The following ZDHHC14 variants were observed in gnomAD, a reference collection of about 807,000 sequenced individuals.
ZDHHC14 encodes the protein zDHHC palmitoyltransferase 14, also known as palmitoyltransferase ZDHHC14.
ZDHHC14 carries 16 observed loss-of-function variants against 47.7 expected under a neutral mutation model. The observed-to-expected ratio is 0.34, with a 90% confidence interval of 0.23 to 0.51. ZDHHC14 has a LOEUF of 0.51. ZDHHC14 is among the 20% of genes least tolerant of loss of function. The pLI is 0.97. For synonymous variants in ZDHHC14, 293 were observed against 278.9 expected (o/e 1.05, Z -0.50); for missense variants, 515 against 662.5 (o/e 0.78, Z 2.44).
rs1247835658 is a variant in ZDHHC14 at position 157,537,102 on chromosome 6, G to A, written c.246-5483G>A. ...CAAAGTGCTGGGATTACAGGCGTGAGCCACCGCGCCCGGCTCCATCTATCT... is the reference window on the plus strand; with the variant it reads ...CAAAGTGCTGGGATTACAGGCGTGAACCACCGCGCCCGGCTCCATCTATCT... On this transcript the variant is annotated intron_variant, in intron 1 of 8. Transcript: ENST00000359775. Among the ~76,000 whole-genome samples the A allele has an allele frequency of 5.4e-5, 3 of 55,674 alleles. 1 individual carries two copies. The highest frequency in any genetic ancestry group is 1.1e-4 in the African/African-American group (2 of 17,714). 36.5% of individuals were successfully genotyped at this position (55,674 alleles called of 152,430 possible). A position where few individuals can be genotyped will look rare whatever the true frequency, so the allele number is the denominator to read the frequency against.
chr6:157,546,805 G>T (rs1378634430), intron 2 of ZDHHC14, among the ~76,000 whole-genome samples: 1 of 152,164 alleles, frequency 6.6e-6, no homozygotes, highest in East Asian at 1.9e-4. Context: ...ACCTTTCCAG[G>T]GATCAAAATA....
At chr6:157,626,468 C>T (rs551037148) in intron 3 of ZDHHC14, among the ~76,000 whole-genome samples, 3 of 152,128 alleles carry the variant, frequency 2.0e-5, no homozygotes, top group Non-Finnish European at 4.4e-5. Context: ...AGATCAGTAA[C>T]TCGGGGAAAT....
intron 1 of ZDHHC14, among the ~76,000 whole-genome samples, chr6:157,402,318 A>T (rs1777660223): frequency 6.7e-6 from 1 of 150,204 alleles, no homozygotes; most frequent in Non-Finnish European, 1.5e-5. Context: ...GCACCTGCTG[A>T]GGTCGCAGTT....
At chr6:157,490,198 G>A (rs1362620099) in intron 1 of ZDHHC14, among the ~76,000 whole-genome samples, 5 of 152,188 alleles carry the variant, frequency 3.3e-5, no homozygotes, top group East Asian at 3.8e-4. Context: ...AAGAGAATGC[G>A]TGAAAAATTA....
chr6:157,485,041 G>A (rs1779744563), intron 1 of ZDHHC14, among the ~76,000 whole-genome samples: 1 of 152,176 alleles, frequency 6.6e-6, no homozygotes, highest in South Asian at 2.1e-4. Context: ...AGGTTGACAT[G>A]AGACGAGATC....
intron 2 of ZDHHC14, among the ~76,000 whole-genome samples, chr6:157,574,052 T>C (rs1330048177): frequency 1.3e-5 from 2 of 151,946 alleles, no homozygotes; most frequent in African/African-American, 2.4e-5. Context: ...GAATTTGGGT[T>C]TTCCCAAATG....
At chr6:157,398,370 A>G (rs12202902) in intron 1 of ZDHHC14, among the ~76,000 whole-genome samples, 1,773 of 152,336 alleles carry the variant, frequency 0.012, 15 homozygotes, top group Non-Finnish European at 0.016. Flanking sequence ...GCAGCCTGCC[A>G]GCAGGGGGAA....
Position 157,653,608 on chromosome 6 carries a change from C to T in ZDHHC14, c.1049C>T (p.Thr350Met), listed in dbSNP as rs760788416. ...PSNGITMYGA[T>M]QSQSDMCDQD... Reference sequence around the variant, plus strand: ...AATGGCATCACCATGTACGGGGCCACGCAGTCACAGAGTGACATGGTAGGA... The same window carrying T: ...AATGGCATCACCATGTACGGGGCCATGCAGTCACAGAGTGACATGGTAGGA... Residue 350 changes from threonine (T) to methionine (M), a missense_variant, in exon 8 of 9, where the codon ACG becomes ATG. Coordinates refer to ENST00000359775, the MANE Select transcript of ZDHHC14 (RefSeq NM_024630.3). 23 of 1,613,538 alleles carry T rather than the reference C, an allele frequency of 1.4e-5. No individual in the cohort carries two copies. The highest frequency in any genetic ancestry group is 4.4e-5 in the South Asian group (4 of 91,082).
chr6:157,662,159 A>G (rs1376750179), intron 8 of ZDHHC14, among the ~76,000 whole-genome samples: 2 of 70,154 alleles, frequency 2.9e-5, no homozygotes, highest in Non-Finnish European at 5.7e-5. Context: ...TGAGACATAC[A>G]TTTTCTAACT....
Position 157,673,322 on chromosome 6 carries a change from C to A in ZDHHC14, c.*200C>A, listed in dbSNP as rs1439844478. 9 of 643,652 alleles carry A rather than the reference C, an allele frequency of 1.4e-5. No homozygotes were observed. Among genetic ancestry groups the A allele is most frequent in the East Asian group, 3.3e-5 (1 of 30,340 alleles). 39.9% of individuals were successfully genotyped at this position (643,652 alleles called of 1,614,324 possible). ...GAGAGCTTGGTTTCATTTGAATTTT[C>A]TTCCCCAACCTGAGTGCTTTGACAA... On this transcript the variant is annotated 3_prime_UTR_variant, in exon 9 of 9. Transcript: ENST00000359775. The surrounding 1 kb of genome is among the most constrained non-coding windows in gnomAD (Gnocchi z 5.4).
chr6:157,620,656 C>A (rs1785152158), intron 3 of ZDHHC14, among the ~76,000 whole-genome samples: 1 of 152,224 alleles, frequency 6.6e-6, no homozygotes, highest in Non-Finnish European at 1.5e-5. Context: ...ACCCTGGACA[C>A]AAAGGCCAGG....
chr6:157,604,286 TAAAAAAA>T (rs201921035), intron 3 of ZDHHC14, among the ~76,000 whole-genome samples: 11 of 140,506 alleles, frequency 7.8e-5, no homozygotes, highest in African/African-American at 1.3e-4. Context: ...AAGCCTGTCT[TAAAAAAA>T]AAAAAAAAAA....
intron 2 of ZDHHC14, among the ~76,000 whole-genome samples, chr6:157,554,622 G>A (rs937688415): frequency 6.6e-6 from 1 of 152,190 alleles, no homozygotes; most frequent in Non-Finnish European, 1.5e-5. Flanking sequence ...CACAGATTTA[G>A]AGGACAAGGA....
At chr6:157,473,782 A>G (rs763918318) in intron 1 of ZDHHC14, among the ~76,000 whole-genome samples, 46 of 152,168 alleles carry the variant, frequency 3.0e-4, no homozygotes, top group Non-Finnish European at 6.0e-4. Context: ...ATTGTTTAAA[A>G]TATTGTGTAA....
intron 1 of ZDHHC14, among the ~76,000 whole-genome samples, chr6:157,405,040 A>G (rs1777713638): frequency 6.6e-6 from 1 of 152,168 alleles, no homozygotes; most frequent in Non-Finnish European, 1.5e-5. Flanking sequence ...GTGGATTTCA[A>G]CCTCAGTGGG....
chr6:157,386,352 A>G (rs1395522535), intron 1 of ZDHHC14, among the ~76,000 whole-genome samples: 1 of 152,192 alleles, frequency 6.6e-6, no homozygotes, highest in Non-Finnish European at 1.5e-5. Context: ...AAGTTTTTAA[A>G]TAAAAATTTA....
chr6:157,502,984 C>G lies in ZDHHC14; in HGVS notation c.246-39601C>G, dbSNP rs199688385. Reference sequence around the variant, plus strand: ...GGAATTACAGGCATGAGCCACCGCACCCGGCTGTGTTTGTTTTTAAACTAC... The same window carrying G: ...GGAATTACAGGCATGAGCCACCGCAGCCGGCTGTGTTTGTTTTTAAACTAC... On this transcript the variant is annotated intron_variant, in intron 1 of 8. Transcript: ENST00000359775. This position sits in a 1 kb window ranked among gnomAD's most constrained non-coding sequence, Gnocchi z 4.0. Among the ~76,000 whole-genome samples, 20 of 152,352 alleles carry G rather than the reference C, an allele frequency of 1.3e-4. No homozygotes were observed. The East Asian group carries it at 3.9e-3, about 29-fold the overall frequency.
rs1038443977 is a variant in ZDHHC14 at position 157,427,823 on chromosome 6, A to G, written c.245+45557A>G. Reference sequence around the variant, plus strand: ...TTTTCATCAAGATCCTTTCCATGACATTGTGGCCCCCAAGGACAATGGAAT... The same window carrying G: ...TTTTCATCAAGATCCTTTCCATGACGTTGTGGCCCCCAAGGACAATGGAAT... On this transcript the variant is annotated intron_variant, in intron 1 of 8. Transcript: ENST00000359775. This position sits in a 1 kb window ranked among gnomAD's most constrained non-coding sequence, Gnocchi z 4.4. Among the ~76,000 whole-genome samples the G allele has an allele frequency of 6.6e-6, 1 of 152,060 alleles. No homozygotes were observed. The highest frequency in any genetic ancestry group is 2.4e-5 in the African/African-American group (1 of 41,384).
intron 1 of ZDHHC14, among the ~76,000 whole-genome samples, chr6:157,433,034 C>T (rs916777903): frequency 6.6e-6 from 1 of 152,260 alleles, no homozygotes; most frequent in Non-Finnish European, 1.5e-5. Context: ...CATGGGGCTA[C>T]AGCATCTCAC....
Sources: allele counts gnomAD v4.1 joint callset (sites outside exome capture counted in the v4.1 genomes callset), GRCh38; gene constraint gnomAD v4.1.1; non-coding constraint Gnocchi (gnomAD v3.1); transcripts MANE v1.5; gene names NCBI Gene and HGNC (gene_info 2026-07-23, HGNC 2026-07-21).